Variants in SPON1 observed in about 807,000 individuals in gnomAD.
SPON1 encodes the protein spondin 1.
Under a neutral mutation model 111.7 loss-of-function variants are expected in SPON1, and 52 were observed. The ratio of observed to expected loss-of-function variants is 0.47; its 90% confidence interval spans 0.37 to 0.59. SPON1 has a LOEUF of 0.59. Ranked by LOEUF, SPON1 falls within the 20% of genes least tolerant of loss-of-function variation. The pLI is 0.00. For missense variants in SPON1, 957 were observed against 1,068.5 expected, an observed-to-expected ratio of 0.90 and a Z score of 1.46; for synonymous variants, 410 against 395.8, an observed-to-expected ratio of 1.04 and a Z score of -0.43.
rs1211427284 is a variant in SPON1 at position 14,267,520 on chromosome 11, G to A, written c.*1833G>A. ...GCTATCTATCTAACTCTCAGCCCAT[G>A]ATAAAGTTCCTTAAGCTGGTGATTC... On this transcript the variant is annotated 3_prime_UTR_variant, in exon 16 of 16. Coordinates refer to ENST00000576479, the MANE Select transcript of SPON1 (RefSeq NM_006108.4). 1 of 152,204 alleles carries A rather than the reference G, an allele frequency of 6.6e-6. No homozygotes were observed. The highest frequency in any genetic ancestry group is 1.5e-5 in the Non-Finnish European group (1 of 68,034). The allele number at this position is 152,204 out of a possible 1,614,324, so 9.4% of individuals were successfully genotyped here. A position where few individuals can be genotyped will look rare whatever the true frequency, so the allele number is the denominator to read the frequency against.
At chr11:14,150,688 C>T (rs1418803113) in intron 6 of SPON1, among the ~76,000 whole-genome samples, 9 of 152,060 alleles carry the variant, frequency 5.9e-5, no homozygotes, top group African/African-American at 1.4e-4. Flanking sequence ...GAAAATGTCT[C>T]ATTAATGTTT....
intron 6 of SPON1, among the ~76,000 whole-genome samples, chr11:14,172,444 C>T (rs1470288042): frequency 6.6e-6 from 1 of 151,770 alleles, no homozygotes; most frequent in Admixed American, 6.6e-5. Context: ...GACTCTTTAT[C>T]CAATTTGCCA....
intron 6 of SPON1, among the ~76,000 whole-genome samples, chr11:14,148,129 G>A (rs1305650724): frequency 1.3e-5 from 2 of 152,074 alleles, no homozygotes; most frequent in Non-Finnish European, 2.9e-5. Flanking sequence ...ATTGGACATT[G>A]TAACACAAGA....
chr11:14,241,518 G>A (rs1554939685), intron 6 of SPON1, among the ~76,000 whole-genome samples: 1 of 152,192 alleles, frequency 6.6e-6, no homozygotes, highest in Non-Finnish European at 1.5e-5. Flanking sequence ...TGGTGTCGGG[G>A]GTGAAGGGAG....
chr11:14,002,310 T>A (rs1591346892), intron 2 of SPON1, among the ~76,000 whole-genome samples: 1 of 152,072 alleles, frequency 6.6e-6, no homozygotes, highest in East Asian at 2.0e-4. Flanking sequence ...GAGAATCTGA[T>A]TCTGTGCACC....
chr11:14,101,130 T>A (rs2133843598), intron 5 of SPON1, among the ~76,000 whole-genome samples: 1 of 152,334 alleles, frequency 6.6e-6, no homozygotes, highest in East Asian at 1.9e-4. Flanking sequence ...CTGGGCGCAG[T>A]GGCTAATGCC....
At chr11:14,120,033 G>A (rs1371056627) in intron 5 of SPON1, among the ~76,000 whole-genome samples, 2 of 152,140 alleles carry the variant, frequency 1.3e-5, no homozygotes, top group Admixed American at 6.5e-5. Flanking sequence ...TTCTTGGAAA[G>A]TTAAACTGGA....
chr11:13,985,448 G>A (rs1347742848), intron 2 of SPON1, among the ~76,000 whole-genome samples: 1 of 152,210 alleles, frequency 6.6e-6, no homozygotes, highest in African/African-American at 2.4e-5. Context: ...CCACAGAAGA[G>A]AAACTTGTGG....
At chr11:14,163,163 A>G (rs1847987313) in intron 6 of SPON1, among the ~76,000 whole-genome samples, 1 of 152,196 alleles carries the variant, frequency 6.6e-6, no homozygotes, top group Non-Finnish European at 1.5e-5. Flanking sequence ...GTGTTAACAA[A>G]TACCAGACTT....
intron 5 of SPON1, among the ~76,000 whole-genome samples, chr11:14,104,332 TTTG>T (rs1239457281): frequency 6.6e-6 from 1 of 152,120 alleles, no homozygotes; most frequent in African/African-American, 2.4e-5. Flanking sequence ...TTATAGTTAA[TTTG>T]TTTTTTTTTC....
intron 5 of SPON1, among the ~76,000 whole-genome samples, chr11:14,115,695 A>C (rs1406626380): frequency 6.6e-6 from 1 of 152,076 alleles, no homozygotes; most frequent in South Asian, 2.1e-4. Context: ...GGTAGTTTCC[A>C]GTTTGGGGCT....
At chr11:14,246,675 G>T (rs1050836045) in intron 7 of SPON1, among the ~76,000 whole-genome samples, 2 of 152,086 alleles carry the variant, frequency 1.3e-5, no homozygotes, top group Non-Finnish European at 2.9e-5. Flanking sequence ...TGATAGGAGG[G>T]TCCCCCCAAA....
intron 6 of SPON1, among the ~76,000 whole-genome samples, chr11:14,187,177 T>C (rs1469183733): frequency 6.6e-6 from 1 of 152,128 alleles, no homozygotes; most frequent in Non-Finnish European, 1.5e-5. Context: ...AGCTGTCCTG[T>C]GAACTAATAA....
In SPON1 at chr11:14,254,593, T is replaced by A; in HGVS notation, c.956T>A (p.Met319Lys). The change falls in exon 8 of 16, where the codon ATG becomes AAG. Residue 319 changes from methionine to lysine, a missense_variant. Physicochemically the swap from Met to Lys is moderately conservative, Grantham distance 95. Coordinates refer to ENST00000576479, the MANE Select transcript of SPON1 (RefSeq NM_006108.4). The part of the protein sequence containing the change: ...RTRHLMSFLT[M>K]MGPSPDWNVG... ...CGCCATTTAATGTCCTTCCTGACCA[T>A]GATGGGCCCTAGTCCCGACTGGAAC... 6.2e-7 allele frequency: 1 copy of A among 1,613,914 alleles called. No homozygotes were observed. Among genetic ancestry groups the A allele is most frequent in the Non-Finnish European group, 8.5e-7 (1 of 1,179,844 alleles).
At chr11:14,045,348 G>A (rs534217986) in intron 3 of SPON1, among the ~76,000 whole-genome samples, 183 of 152,182 alleles carry the variant, frequency 1.2e-3, no homozygotes, top group African/African-American at 4.0e-3. Context: ...GCCGAGAGGG[G>A]GGCAGATCGC....
chr11:14,188,229 G>A (rs189676099), intron 6 of SPON1, among the ~76,000 whole-genome samples: 53 of 152,180 alleles, frequency 3.5e-4, no homozygotes, highest in Middle Eastern at 3.4e-3. Context: ...TTCAACACCA[G>A]CATTTATATT....
intron 2 of SPON1, among the ~76,000 whole-genome samples, chr11:13,993,535 C>T (rs782473414): frequency 1.6e-4 from 24 of 152,316 alleles, no homozygotes; most frequent in Non-Finnish European, 7.4e-5. Context: ...CTCTGATCAG[C>T]GGTCCCTTTC....
chr11:14,053,923 G>A (rs1442927988), intron 3 of SPON1, among the ~76,000 whole-genome samples: 2 of 152,172 alleles, frequency 1.3e-5, no homozygotes, highest in Non-Finnish European at 2.9e-5. Flanking sequence ...GCCACCTGAA[G>A]GTCCTCAGTG....
At position 14,247,013 on chromosome 11, in the gene SPON1, A is replaced by G. The variant is rs372067767; in HGVS notation, c.890+3617A>G. ...GGGAGTAGAGTATGTCTAAGGCACTAAAAGGCTTTGGTCTAACTAGATCCA... is the reference window on the plus strand; with the variant it reads ...GGGAGTAGAGTATGTCTAAGGCACTGAAAGGCTTTGGTCTAACTAGATCCA... On this transcript the variant is annotated intron_variant, in intron 7 of 15. Coordinates refer to ENST00000576479, the MANE Select transcript of SPON1 (RefSeq NM_006108.4). Among the ~76,000 whole-genome samples the G allele has an allele frequency of 3.9e-5, 6 of 152,218 alleles. No individual in the cohort carries two copies. In the East Asian group the frequency reaches 1.2e-3, roughly 29 times the overall value.
Sources: allele counts gnomAD v4.1 joint callset (sites outside exome capture counted in the v4.1 genomes callset), GRCh38; gene constraint gnomAD v4.1.1; transcripts MANE v1.5; gene names NCBI Gene and HGNC (gene_info 2026-07-23, HGNC 2026-07-21).